DNMBP: variants seen among roughly 807,000 people sequenced by gnomAD.
DNMBP encodes dynamin binding protein.
Under a neutral mutation model 150.0 loss-of-function variants are expected in DNMBP, and 87 were observed. That is an observed-to-expected ratio of 0.58 (90% CI 0.49 to 0.69). The LOEUF (loss-of-function observed/expected upper bound fraction) is 0.69, where lower values mean the gene tolerates loss of function less well. Ranked by LOEUF, DNMBP falls within the 30% of genes least tolerant of loss-of-function variation. The probability of loss-of-function intolerance (pLI) is 0.00; values close to 1 mark genes in which losing one functional copy is unlikely to be tolerated. For missense variants in DNMBP, 1,774 were observed against 1,949.0 expected (o/e 0.91, Z 1.69); for synonymous variants, 711 against 750.4 (o/e 0.95, Z 0.86).
intron 1 of DNMBP, among the ~76,000 whole-genome samples, chr10:100,008,552 G>C (rs1372223519): frequency 6.6e-6 from 1 of 152,198 alleles, no homozygotes; most frequent in Non-Finnish European, 1.5e-5. Flanking sequence ...GACTGAGAGA[G>C]CTGAGAATAA....
At position 99,877,114 on chromosome 10, in the gene DNMBP, G is replaced by A. The variant is rs2039286432; in HGVS notation, c.*37C>T. 2 of 1,572,230 alleles carry A rather than the reference G, an allele frequency of 1.3e-6. No individual in the cohort carries two copies. Among genetic ancestry groups the A allele is most frequent in the African/African-American group, 1.4e-5 (1 of 73,322 alleles). ...CGCCAGAACCCTCGGCGGACTGAAA[G>A]CAAAGGCAGCAAGGCTGGGTGGCAG... On this transcript the variant is annotated 3_prime_UTR_variant, in exon 17 of 17. Coordinates refer to ENST00000324109, the MANE Select transcript of DNMBP (RefSeq NM_015221.4).
rs761148297 is a variant in DNMBP, at chr10:99,909,102, A to G, written c.2305T>C (p.Ser769Pro). The G allele has an allele frequency of 2.5e-6, 4 of 1,614,018 alleles. No homozygotes were observed. In the Admixed American group the frequency reaches 6.7e-5, roughly 27 times the overall value. ...GGATTTTCGGCAGACACAGACCCAG[A>G]AGGGGCCACCAGTGATGAAGACTGG... Reference protein sequence around the residue: ...SSQSSSLVAPSGSVSAENPEQ... With the variant: ...SSQSSSLVAPPGSVSAENPEQ... Residue 769 changes from serine (S) to proline (P), a missense_variant, in exon 5 of 17, where the codon TCT becomes CCT. Around this residue, in one of 2 missense-constraint regions of DNMBP, gnomAD observed 1,430 missense variants for 1,492.5 expected, o/e 0.96. Coordinates refer to ENST00000324109, the MANE Select transcript of DNMBP (RefSeq NM_015221.4).
chr10:99,943,476 C>T (rs1447554082), intron 4 of DNMBP, among the ~76,000 whole-genome samples: 1 of 152,088 alleles, frequency 6.6e-6, no homozygotes, highest in African/African-American at 2.4e-5. Flanking sequence ...GATGACAGCT[C>T]ACTGCAGCCT....
Position 99,961,543 on chromosome 10 carries a change from T to A in DNMBP, c.269-4338A>T, listed in dbSNP as rs559951626. 9.0e-4 allele frequency among the ~76,000 whole-genome samples: 134 copies of A among 148,502 alleles called. 1 individual carries two copies. Among genetic ancestry groups the A allele is most frequent in the African/African-American group, 2.8e-3 (113 of 40,592 alleles). ...TCCCACAGTGCTGGGATTTCAGGTA[T>A]GAGCCACTGTGCCCGGCCTCTTCCT... On this transcript the variant is annotated intron_variant, in intron 3 of 16. Coordinates refer to ENST00000324109, the MANE Select transcript of DNMBP (RefSeq NM_015221.4).
chr10:99,991,344 T>C (rs61871666), intron 1 of DNMBP, among the ~76,000 whole-genome samples: 6,721 of 152,068 alleles, frequency 0.044, 162 homozygotes, highest in South Asian at 0.086. Flanking sequence ...CCCAAAGTGC[T>C]GGGATTACAG....
At chr10:99,898,813 C>G in intron 7 of DNMBP, 53 bp from the exon 8 acceptor site, 2 of 1,532,576 alleles carry the variant, frequency 1.3e-6, no homozygotes, top group Non-Finnish European at 1.8e-6. Flanking sequence ...GAGAGAGAAT[C>G]TTGAGTTTCA....
At chr10:99,911,712 A>G (rs1483442946) in intron 4 of DNMBP, among the ~76,000 whole-genome samples, 7 of 152,230 alleles carry the variant, frequency 4.6e-5, no homozygotes. Context: ...GGTATTATTC[A>G]AAATAAAACT....
chr10:100,000,201 A>G (rs544880140), intron 1 of DNMBP, among the ~76,000 whole-genome samples: 1 of 152,336 alleles, frequency 6.6e-6, no homozygotes, highest in East Asian at 1.9e-4. Flanking sequence ...AAAGCTAAAA[A>G]GTTTCCACAT....
rs2040497988 is a variant in DNMBP, at chr10:99,956,491, A to C, written c.983T>G (p.Leu328Trp). ...TTCCTCTACTCCTAAGGTGTTCTCC[A>C]AACAATCCAAAGAAGTTTCCGGGAT... ...ARIPETSLDC[L>W]ENTLGVEEQR... is the part of the protein sequence containing the mutation. The change falls in exon 4 of 17, where the codon TTG (leucine) becomes TGG (tryptophan). Residue 328 changes from leucine to tryptophan, a missense_variant. Physicochemically the swap from Leu to Trp is moderately conservative, Grantham distance 61. This residue lies in a region of DNMBP where 344 missense variants were observed against 456.6 expected (regional missense o/e 0.75). Coordinates refer to ENST00000324109, the MANE Select transcript of DNMBP (RefSeq NM_015221.4). 1 of 1,613,970 alleles carries C rather than the reference A, an allele frequency of 6.2e-7. No homozygotes were observed. The highest frequency in any genetic ancestry group is 1.3e-5 in the African/African-American group (1 of 74,872).
At chr10:99,973,828 A>G (rs190675560) in intron 1 of DNMBP, among the ~76,000 whole-genome samples, 197 of 152,308 alleles carry the variant, frequency 1.3e-3, no homozygotes, top group South Asian at 8.7e-3. Context: ...TAAAAACACA[A>G]AAATCAGTCA....
At chr10:99,998,229 G>A (rs1446410675) in intron 1 of DNMBP, among the ~76,000 whole-genome samples, 5 of 114,580 alleles carry the variant, frequency 4.4e-5, no homozygotes, top group Admixed American at 2.6e-4. Flanking sequence ...GCAAGACTCC[G>A]TCTCAAAAAA....
At chr10:99,994,591 A>C (rs1025406824) in intron 1 of DNMBP, among the ~76,000 whole-genome samples, 2 of 152,230 alleles carry the variant, frequency 1.3e-5, no homozygotes, top group African/African-American at 4.8e-5. Context: ...TCTAAGCTCT[A>C]AAATGAGCTG....
In DNMBP at chr10:99,893,466, T is replaced by C. The variant is rs563625838; in HGVS notation, c.3156+1480A>G. Reference sequence around the variant, plus strand: ...AACAATGGACCAAGGCCAGGCGCGGTGGCTCACGCCTGTAATTCCAACACT... The same window carrying C: ...AACAATGGACCAAGGCCAGGCGCGGCGGCTCACGCCTGTAATTCCAACACT... On this transcript the variant is annotated intron_variant, in intron 11 of 16. Transcript: ENST00000324109. Among the ~76,000 whole-genome samples, 990 of 152,366 alleles carry C rather than the reference T, an allele frequency of 6.5e-3. 12 individuals carry two copies. The highest frequency in any genetic ancestry group is 0.023 in the African/African-American group (947 of 41,594).
At chr10:99,887,986 G>GCCCA (rs2039496629) in intron 12 of DNMBP, among the ~76,000 whole-genome samples, 2 of 151,844 alleles carry the variant, frequency 1.3e-5, no homozygotes, top group African/African-American at 4.8e-5. Context: ...CACCACACCT[G>GCCCA]GCTAATTTTG....
At chr10:99,912,264 C>T (rs2039909454) in intron 4 of DNMBP, among the ~76,000 whole-genome samples, 1 of 152,104 alleles carries the variant, frequency 6.6e-6, no homozygotes, top group Non-Finnish European at 1.5e-5. Context: ...GAGAAAAGGT[C>T]AGGGGCTTAT....
At chr10:99,923,451 C>A (rs2040045044) in intron 4 of DNMBP, among the ~76,000 whole-genome samples, 1 of 152,108 alleles carries the variant, frequency 6.6e-6, no homozygotes, top group African/African-American at 2.4e-5. Context: ...CCCCATCTCT[C>A]TTACTGCCTT....
At chr10:99,974,021 G>A (rs536550703) in intron 1 of DNMBP, among the ~76,000 whole-genome samples, 3 of 152,256 alleles carry the variant, frequency 2.0e-5, no homozygotes, top group African/African-American at 7.2e-5. Context: ...CTATTGAATG[G>A]CTCATGCCTA....
At chr10:99,912,252 A>G (rs1480607446) in intron 4 of DNMBP, among the ~76,000 whole-genome samples, 4 of 152,104 alleles carry the variant, frequency 2.6e-5, no homozygotes, top group Non-Finnish European at 5.9e-5. Flanking sequence ...TGGAATCTCA[A>G]TGAGAAAAGG....
chr10:99,989,982 T>C (rs2040868358), intron 1 of DNMBP, among the ~76,000 whole-genome samples: 1 of 152,218 alleles, frequency 6.6e-6, no homozygotes, highest in South Asian at 2.1e-4. Flanking sequence ...TCTTTTTGTC[T>C]ATTTTATTCA....
Sources: allele counts gnomAD v4.1 joint callset (sites outside exome capture counted in the v4.1 genomes callset), GRCh38; gene constraint gnomAD v4.1.1; regional missense constraint gnomAD v4.1.1; transcripts MANE v1.5; gene names NCBI Gene and HGNC (gene_info 2026-07-23, HGNC 2026-07-21).